RNF144A: variants seen among roughly 807,000 people sequenced by gnomAD.
The protein encoded by RNF144A is ring finger protein 144A.
Under a neutral mutation model 38.7 loss-of-function variants are expected in RNF144A, and 11 were observed. That is an observed-to-expected ratio of 0.28 (90% CI 0.18 to 0.47). The LOEUF (loss-of-function observed/expected upper bound fraction) is 0.47. RNF144A is among the 20% of genes least tolerant of loss of function. RNF144A has a pLI of 0.99. For missense variants in RNF144A, 316 were observed against 377.2 expected, an observed-to-expected ratio of 0.84 and a Z score of 1.34; for synonymous variants, 149 against 143.9, an observed-to-expected ratio of 1.04 and a Z score of -0.25.
chr2:6,974,790 T>C (rs1255950402), intron 2 of RNF144A, among the ~76,000 whole-genome samples: 1 of 152,198 alleles, frequency 6.6e-6, no homozygotes, highest in Admixed American at 6.5e-5. Context: ...GTAGGGGAGC[T>C]GACATATGCT....
chr2:7,004,271 G>A (rs1466859642), intron 3 of RNF144A, among the ~76,000 whole-genome samples: 3 of 152,234 alleles, frequency 2.0e-5, no homozygotes, highest in East Asian at 3.8e-4. Flanking sequence ...GGTGGCTGCA[G>A]ATGTCACTTA....
At chr2:7,047,524 G>A (rs551975738), downstream of RNF144A, among the ~76,000 whole-genome samples, 13 of 152,168 alleles carry the variant, frequency 8.5e-5, no homozygotes, top group Non-Finnish European at 1.5e-4. Context: ...TCACTATCAC[G>A]AGAATAGCGC....
rs567383104 is a variant in RNF144A, at chr2:7,065,600, A to G, written c.735-2616A>G. ...GTGGAACTAGAATTTGGTCTTTTCC[A>G]TTAAAATTATATGAAAATGCATGTC... On this transcript the variant is annotated intron_variant, in intron 6 of 6. Transcript: ENST00000432850. Among the ~76,000 whole-genome samples, 10 of 152,352 alleles carry G rather than the reference A, an allele frequency of 6.6e-5. No individual in the cohort carries two copies. In the East Asian group the frequency reaches 1.9e-3, roughly 29 times the overall value.
intron 6 of RNF144A, among the ~76,000 whole-genome samples, chr2:7,057,744 C>A (rs1364926550): frequency 6.6e-6 from 1 of 152,122 alleles, no homozygotes; most frequent in Admixed American, 6.5e-5. Flanking sequence ...AAATTGAATA[C>A]ATTTTAGATA....
intron 2 of RNF144A, among the ~76,000 whole-genome samples, chr2:6,992,269 C>T (rs1180638347): frequency 6.6e-6 from 1 of 152,218 alleles, no homozygotes; most frequent in Admixed American, 6.5e-5. Context: ...CCACCCACCT[C>T]CCCAGAGTTT....
At chr2:7,031,095 C>G (rs1284735663) in intron 8 of RNF144A, among the ~76,000 whole-genome samples, 3 of 152,140 alleles carry the variant, frequency 2.0e-5, no homozygotes, top group African/African-American at 7.2e-5. Context: ...TTGCTTCCCC[C>G]ACCCCCACCA....
chr2:6,984,389 G>A (rs569305609), intron 2 of RNF144A, among the ~76,000 whole-genome samples: 20 of 151,720 alleles, frequency 1.3e-4, no homozygotes, highest in Admixed American at 1.1e-3. Flanking sequence ...TGCAACCTCC[G>A]CCTCCTGGGT....
Position 7,024,533 on chromosome 2 carries a change from G to C in RNF144A, c.657+17G>C. On this transcript the variant is annotated intron_variant, in intron 7 of 8. Transcript: ENST00000320892. ...TCTCTGGACGTGAGTACGGCCTTCA[G>C]CTTCACCTTGCGGCATTTAGCTTTG... 1.9e-6 allele frequency: 3 copies of C among 1,589,676 alleles called. No homozygotes were observed. The highest frequency in any genetic ancestry group is 2.6e-6 in the Non-Finnish European group (3 of 1,160,290).
chr2:6,963,564 G>T (rs1282208555), intron 2 of RNF144A, among the ~76,000 whole-genome samples: 2 of 152,142 alleles, frequency 1.3e-5, no homozygotes, highest in Non-Finnish European at 2.9e-5. Flanking sequence ...ACCTAAGTCT[G>T]TTTCCAAAAA....
At chr2:7,011,240 A>G (rs1434304811) in intron 3 of RNF144A, among the ~76,000 whole-genome samples, 1 of 152,240 alleles carries the variant, frequency 6.6e-6, no homozygotes, top group Non-Finnish European at 1.5e-5. Flanking sequence ...CAGCGTATTC[A>G]TCATCTCACA....
intron 1 of RNF144A, among the ~76,000 whole-genome samples, chr2:6,920,794 G>A (rs771275): frequency 0.8 from 122,197 of 152,202 alleles, 50,563 homozygotes; most frequent in Non-Finnish European, 0.92. Context: ...CCCTTTCTTA[G>A]TTAGATGAAG....
At chr2:6,995,880 G>A (rs1252370173) in intron 2 of RNF144A, among the ~76,000 whole-genome samples, 1 of 152,136 alleles carries the variant, frequency 6.6e-6, no homozygotes, top group African/African-American at 2.4e-5. Flanking sequence ...ACCACCACAG[G>A]GAGGAAGGGA....
chr2:6,988,227 C>G (rs1162742895), intron 2 of RNF144A, among the ~76,000 whole-genome samples: 2 of 152,132 alleles, frequency 1.3e-5, no homozygotes, highest in Non-Finnish European at 2.9e-5. Context: ...AACCTCATGC[C>G]CAGCTTCTCC....
chr2:6,996,914 A>C lies in RNF144A; in HGVS notation c.-11-2A>C. ...TGACCTTCCGTGCTTCTCTCGTTTCAGACTGTTCTGCGATGACCACAACAA... is the reference window on the plus strand; with the variant it reads ...TGACCTTCCGTGCTTCTCTCGTTTCCGACTGTTCTGCGATGACCACAACAA... On this transcript the variant is annotated splice_acceptor_variant, in intron 2 of 8. Coordinates refer to ENST00000320892, the MANE Select transcript of RNF144A (RefSeq NM_014746.6). LOFTEE classifies it low-confidence loss of function (5UTR_SPLICE). 1.9e-6 allele frequency: 3 copies of C among 1,612,964 alleles called. No homozygotes were observed. Among genetic ancestry groups the C allele is most frequent in the Non-Finnish European group, 2.5e-6 (3 of 1,179,620 alleles).
chr2:6,932,442 G>A (rs1366696600), intron 1 of RNF144A, among the ~76,000 whole-genome samples: 1 of 152,068 alleles, frequency 6.6e-6, no homozygotes, highest in African/African-American at 2.4e-5. Flanking sequence ...AAAATACTGT[G>A]TATTGCTATT....
At chr2:7,053,343 G>GA (rs1421597338) in intron 6 of RNF144A, among the ~76,000 whole-genome samples, 3 of 152,164 alleles carry the variant, frequency 2.0e-5, no homozygotes, top group Non-Finnish European at 2.9e-5. Context: ...TAACAAATTA[G>GA]AAAAAATGTA....
Position 6,943,457 on chromosome 2 carries a change from G to A in RNF144A, c.-12+2310G>A, listed in dbSNP as rs979543073. On this transcript the variant is annotated intron_variant, in intron 2 of 8. Coordinates refer to ENST00000320892, the MANE Select transcript of RNF144A (RefSeq NM_014746.6). The surrounding 1 kb of genome is among the most constrained non-coding windows in gnomAD (Gnocchi z 4.3). The stretch of plus-strand genomic sequence containing the variant: ...AACTCAGTTGAGCTTTGCGGCAAAA[G>A]GGAGCAGAGTTTGAGGTGGTATCTG... Among the ~76,000 whole-genome samples the A allele has an allele frequency of 1.3e-5, 2 of 152,238 alleles. No homozygotes were observed. Among genetic ancestry groups the A allele is most frequent in the Admixed American group, 1.3e-4 (2 of 15,288 alleles).
chr2:6,975,156 G>A (rs939411181), intron 2 of RNF144A, among the ~76,000 whole-genome samples: 11 of 152,296 alleles, frequency 7.2e-5, no homozygotes, highest in Admixed American at 2.0e-4. Flanking sequence ...TGCCTGGGGA[G>A]GCCTCACAAT....
chr2:7,069,902 G>A (rs2103485147), downstream of RNF144A, among the ~76,000 whole-genome samples: 1 of 152,222 alleles, frequency 6.6e-6, no homozygotes, highest in East Asian at 1.9e-4. Context: ...AACTTTCAAT[G>A]TGTTGTCAAC....
Sources: allele counts gnomAD v4.1 joint callset (sites outside exome capture counted in the v4.1 genomes callset), GRCh38; gene constraint gnomAD v4.1.1; non-coding constraint Gnocchi (gnomAD v3.1); transcripts MANE v1.5; gene names NCBI Gene and HGNC (gene_info 2026-07-23, HGNC 2026-07-21).